AKR1E2: variants seen among roughly 807,000 people sequenced by gnomAD.
The protein encoded by AKR1E2 is 1,5-anhydro-D-fructose reductase.
Under a neutral mutation model 41.9 loss-of-function variants are expected in AKR1E2, and 43 were observed. The observed-to-expected ratio is 1.03, with a 90% CI of 0.80 to 1.32. AKR1E2 has a LOEUF of 1.32. AKR1E2 is among the 40% of genes most tolerant of loss of function. AKR1E2 has a pLI of 0.00. For synonymous variants in AKR1E2, 121 were observed against 138.9 expected, an observed-to-expected ratio of 0.87 and a Z score of 0.91; for missense variants, 423 against 396.5, an observed-to-expected ratio of 1.07 and a Z score of -0.57.
the AKR1E2 span, among the ~76,000 whole-genome samples, chr10:4,861,110 A>G: frequency 1.3e-5 from 2 of 152,222 alleles, no homozygotes; most frequent in African/African-American, 2.4e-5. Flanking sequence ...TATTTGGAAG[A>G]TTTTTAAACA....
At chr10:4,851,997 G>A (rs943715963), downstream of AKR1E2, among the ~76,000 whole-genome samples, 2 of 152,174 alleles carry the variant, frequency 1.3e-5, no homozygotes, top group African/African-American at 4.8e-5. Flanking sequence ...TGAACACACA[G>A]CTCCGTTCCA....
intron 4 of AKR1E2, among the ~76,000 whole-genome samples, chr10:4,836,998 G>A (rs889783977): frequency 1.8e-4 from 28 of 152,190 alleles, no homozygotes; most frequent in African/African-American, 6.3e-4. Flanking sequence ...AGGTGGGATA[G>A]GAGAATGGTG....
intron 1 of AKR1E2, among the ~76,000 whole-genome samples, chr10:4,827,548 A>G (rs1832641876): frequency 6.6e-6 from 1 of 151,928 alleles, no homozygotes; most frequent in Non-Finnish European, 1.5e-5. Context: ...GAACTTCACA[A>G]TTCCTGCCAG....
At chr10:4,856,775 A>G in the AKR1E2 span, among the ~76,000 whole-genome samples, 5 of 152,282 alleles carry the variant, frequency 3.3e-5, no homozygotes, top group African/African-American at 9.6e-5. Context: ...TTTCTTTGTC[A>G]ATTATGTTTT....
intron 8 of AKR1E2, among the ~76,000 whole-genome samples, chr10:4,842,980 C>T (rs1834009596): frequency 6.6e-6 from 1 of 152,174 alleles, no homozygotes; most frequent in African/African-American, 2.4e-5. Context: ...TGACTCCTGT[C>T]TAGTGACTTC....
chr10:4,826,579 C>G (rs1003940846), intron 1 of AKR1E2, among the ~76,000 whole-genome samples: 11 of 152,164 alleles, frequency 7.2e-5, no homozygotes, highest in African/African-American at 2.7e-4. Context: ...CCCGCCGAGG[C>G]GCTCTCTGGG....
intron 8 of AKR1E2, among the ~76,000 whole-genome samples, chr10:4,843,956 G>A (rs1834090508): frequency 6.6e-6 from 1 of 152,226 alleles, no homozygotes; most frequent in African/African-American, 2.4e-5. Context: ...AATGGCTGCT[G>A]ACGGGCCTCT....
intron 1 of AKR1E2, among the ~76,000 whole-genome samples, chr10:4,827,485 C>G (rs944745973): frequency 7.1e-6 from 1 of 141,768 alleles, no homozygotes; most frequent in Non-Finnish European, 1.6e-5. Flanking sequence ...TCACCTCCCC[C>G]AGCCCCCAGC....
At chr10:4,862,965 C>T in the AKR1E2 span, among the ~76,000 whole-genome samples, 1 of 151,992 alleles carries the variant, frequency 6.6e-6, no homozygotes, top group Non-Finnish European at 1.5e-5. Flanking sequence ...TAAAGCAAGT[C>T]CTTAGAGACC....
At chr10:4,849,858 A>T (rs1310222991), downstream of AKR1E2, among the ~76,000 whole-genome samples, 5 of 152,234 alleles carry the variant, frequency 3.3e-5, no homozygotes, top group Non-Finnish European at 7.3e-5. Context: ...TTAATGGTCC[A>T]GTGCATCTGC....
At chr10:4,834,463 A>G (rs1833238202) in intron 3 of AKR1E2, among the ~76,000 whole-genome samples, 1 of 152,264 alleles carries the variant, frequency 6.6e-6, no homozygotes, top group South Asian at 2.1e-4. Context: ...CATTGCATGC[A>G]GAAAATCATA....
At chr10:4,867,846 C>T in the AKR1E2 span, among the ~76,000 whole-genome samples, 3 of 152,146 alleles carry the variant, frequency 2.0e-5, no homozygotes, top group African/African-American at 4.8e-5. Flanking sequence ...CGAGAGGCAG[C>T]GTCCTCAGGG....
chr10:4,851,648 A>T (rs1834529012), downstream of AKR1E2, among the ~76,000 whole-genome samples: 1 of 152,196 alleles, frequency 6.6e-6, no homozygotes, highest in Non-Finnish European at 1.5e-5. Flanking sequence ...AGTATGTTAC[A>T]GGTTTTAACT....
At chr10:4,853,340 T>C in the AKR1E2 span, among the ~76,000 whole-genome samples, 2 of 152,226 alleles carry the variant, frequency 1.3e-5, no homozygotes, top group African/African-American at 4.8e-5. Flanking sequence ...AGGAGGCATA[T>C]TTAGAGCTTT....
At chr10:4,844,620 A>G (rs980024341) in intron 8 of AKR1E2, among the ~76,000 whole-genome samples, 2 of 151,740 alleles carry the variant, frequency 1.3e-5, no homozygotes, top group South Asian at 2.1e-4. Flanking sequence ...CATCCCCACT[A>G]GATTAGCTAG....
intron 3 of AKR1E2, 72 bp from the exon 4 acceptor site, chr10:4,835,603 G>A (rs1833338357): frequency 6.5e-7 from 1 of 1,529,098 alleles, no homozygotes; most frequent in Non-Finnish European, 8.8e-7. Flanking sequence ...TTGGATGCAG[G>A]TCTCCTGACA....
At chr10:4,842,380 A>G in intron 7 of AKR1E2, 41 bp from the exon 8 acceptor site, 4 of 1,571,092 alleles carry the variant, frequency 2.5e-6, no homozygotes, top group Non-Finnish European at 3.5e-6. Context: ...ACTACATGGG[A>G]TTTCCCTTTG....
chr10:4,861,523 C>T, the AKR1E2 span, among the ~76,000 whole-genome samples: 17 of 152,108 alleles, frequency 1.1e-4, no homozygotes, highest in Non-Finnish European at 7.4e-5. Context: ...GTTGCACCAC[C>T]GCGCCCAGCT....
intron 3 of AKR1E2, among the ~76,000 whole-genome samples, chr10:4,834,801 A>G (rs879742668): frequency 1.3e-5 from 2 of 152,192 alleles, no homozygotes; most frequent in Non-Finnish European, 2.9e-5. Flanking sequence ...TCATCCAACA[A>G]ATTACAGAAG....
Sources: gnomAD v4.1 joint callset for allele counts (sites outside exome capture counted in the v4.1 genomes callset) on GRCh38, gnomAD v4.1.1 for gene constraint, MANE v1.5 for transcripts, NCBI Gene and HGNC (gene_info 2026-07-23, HGNC 2026-07-21) for gene names.